NAV3: variants seen among roughly 807,000 people sequenced by gnomAD.
NAV3 encodes the protein neuron navigator 3.
Under a neutral mutation model 244.7 loss-of-function variants are expected in NAV3, and 87 were observed. That is an observed-to-expected ratio of 0.36 (90% CI 0.30 to 0.42). The LOEUF is 0.42. NAV3 is among the 20% of genes least tolerant of loss of function. The probability of loss-of-function intolerance (pLI) is 1.00; values close to 1 mark genes in which losing one functional copy is unlikely to be tolerated. For missense variants in NAV3, 2,663 were observed against 2,893.3 expected (o/e 0.92, Z 1.83); for synonymous variants, 1,126 against 1,042.2 (o/e 1.08, Z -1.55).
At chr12:78,115,707 T>C (rs767990047) in intron 12 of NAV3, among the ~76,000 whole-genome samples, 20 of 152,176 alleles carry the variant, frequency 1.3e-4, no homozygotes, top group Middle Eastern at 3.2e-3. Context: ...TGATATGTTT[T>C]GATACATAAA....
intron 5 of NAV3, among the ~76,000 whole-genome samples, chr12:77,991,563 G>A (rs1322490622): frequency 1.3e-5 from 2 of 152,124 alleles, no homozygotes; most frequent in Non-Finnish European, 2.9e-5. Context: ...GTAATTTAAG[G>A]TGATACTTGA....
At chr12:77,848,131 C>T (rs576568154) in intron 1 of NAV3, among the ~76,000 whole-genome samples, 4 of 152,260 alleles carry the variant, frequency 2.6e-5, no homozygotes, top group Admixed American at 6.5e-5. Flanking sequence ...TTCTAATGAA[C>T]GTAGTAAAAC....
At chr12:77,674,429 T>G (rs967909308) in intron 2 of NAV3, among the ~76,000 whole-genome samples, 6 of 152,106 alleles carry the variant, frequency 3.9e-5, no homozygotes, top group Non-Finnish European at 8.8e-5. Context: ...TCTGTTGCCC[T>G]TGAAGTGCAT....
At chr12:77,850,787 A>C (rs1877393568) in intron 1 of NAV3, among the ~76,000 whole-genome samples, 1 of 150,300 alleles carries the variant, frequency 6.7e-6, no homozygotes, top group African/African-American at 2.5e-5. Context: ...GGGAGAAAAA[A>C]GTCTCTGGTT....
intron 2 of NAV3, among the ~76,000 whole-genome samples, chr12:77,595,494 T>C (rs944015803): frequency 2.6e-5 from 4 of 152,130 alleles, no homozygotes; most frequent in East Asian, 3.8e-4. Flanking sequence ...ATAATCGTAT[T>C]GTATACTCAA....
At chr12:78,020,241 T>C (rs1217878108) in intron 8 of NAV3, among the ~76,000 whole-genome samples, 1 of 152,108 alleles carries the variant, frequency 6.6e-6, no homozygotes, top group Admixed American at 6.5e-5. Flanking sequence ...ATTTTTGCCA[T>C]AAAAGCCAAG....
chr12:78,035,980 C>G (rs1027526065), intron 9 of NAV3, among the ~76,000 whole-genome samples: 1 of 152,138 alleles, frequency 6.6e-6, no homozygotes, highest in Non-Finnish European at 1.5e-5. Context: ...CAGCTGCCTG[C>G]AGCTACAGAG....
chr12:77,901,020 G>A (rs750444448), intron 1 of NAV3, among the ~76,000 whole-genome samples: 1 of 152,074 alleles, frequency 6.6e-6, no homozygotes, highest in Non-Finnish European at 1.5e-5. Flanking sequence ...TTGGCCCCTT[G>A]TATGTCCATT....
intron 1 of NAV3, among the ~76,000 whole-genome samples, chr12:77,860,808 A>G (rs1879149381): frequency 6.6e-6 from 1 of 151,856 alleles, no homozygotes; most frequent in Non-Finnish European, 1.5e-5. Flanking sequence ...GTGGCAATGA[A>G]CGTAGCATTC....
chr12:78,058,703 T>C (rs1566074387), intron 11 of NAV3, among the ~76,000 whole-genome samples: 2 of 152,178 alleles, frequency 1.3e-5, no homozygotes, highest in Non-Finnish European at 2.9e-5. Flanking sequence ...AGCCTATTCA[T>C]AATATTAATA....
intron 2 of NAV3, among the ~76,000 whole-genome samples, chr12:77,804,301 A>T (rs1179401374): frequency 1.3e-5 from 2 of 152,138 alleles, no homozygotes; most frequent in East Asian, 3.8e-4. Flanking sequence ...TTAAGTCTTT[A>T]ATCCATCTTG....
chr12:77,701,159 C>T (rs765090047), intron 2 of NAV3, among the ~76,000 whole-genome samples: 1 of 151,758 alleles, frequency 6.6e-6, no homozygotes, highest in Non-Finnish European at 1.5e-5. Flanking sequence ...TGATGGAATT[C>T]ACCACTGGAA....
At chr12:78,192,204 A>G (rs1959013216) in intron 34 of NAV3, among the ~76,000 whole-genome samples, 1 of 151,922 alleles carries the variant, frequency 6.6e-6, no homozygotes, top group Admixed American at 6.6e-5. Context: ...TAACTTTTTT[A>G]TGAAATATTT....
At chr12:77,721,793 A>T (rs1194994821) in intron 2 of NAV3, among the ~76,000 whole-genome samples, 1 of 152,132 alleles carries the variant, frequency 6.6e-6, no homozygotes, top group Non-Finnish European at 1.5e-5. Context: ...AATTTAGAGC[A>T]GTTCGTGGCC....
chr12:77,651,285 G>C (rs12582698), intron 2 of NAV3, among the ~76,000 whole-genome samples: 32,987 of 152,008 alleles, frequency 0.22, 3,667 homozygotes, highest in Non-Finnish European at 0.22. Flanking sequence ...ACTTTAAAAA[G>C]ATTGAAGTAA....
chr12:78,023,470 A>G (rs1256042826), intron 9 of NAV3, among the ~76,000 whole-genome samples: 1 of 152,218 alleles, frequency 6.6e-6, no homozygotes, highest in Non-Finnish European at 1.5e-5. Flanking sequence ...TGCAGCAATA[A>G]TCAATTATTT....
At chr12:77,799,362 C>T (rs1330307424) in intron 2 of NAV3, among the ~76,000 whole-genome samples, 2 of 152,162 alleles carry the variant, frequency 1.3e-5, no homozygotes, top group Non-Finnish European at 2.9e-5. Flanking sequence ...AATATTCATG[C>T]TCATGAAATG....
chr12:78,072,750 C>T (rs1409568705), intron 12 of NAV3, among the ~76,000 whole-genome samples: 1 of 143,812 alleles, frequency 7.0e-6, no homozygotes, highest in Non-Finnish European at 1.5e-5. Flanking sequence ...GAATTTTAGA[C>T]CAATATCCTT....
intron 1 of NAV3, among the ~76,000 whole-genome samples, chr12:77,879,506 C>G (rs1425216433): frequency 6.6e-6 from 1 of 151,716 alleles, no homozygotes; most frequent in Non-Finnish European, 1.5e-5. Flanking sequence ...GAAATCCTGT[C>G]TCTACTAAAA....
Sources: allele counts gnomAD v4.1 joint callset (sites outside exome capture counted in the v4.1 genomes callset), GRCh38; gene constraint gnomAD v4.1.1; transcripts MANE v1.5; gene names NCBI Gene and HGNC (gene_info 2026-07-23, HGNC 2026-07-21).